The following COMMD9 variants were observed in gnomAD, a reference collection of about 807,000 sequenced individuals.
COMMD9 encodes the protein COMM domain containing 9, also known as COMM domain-containing protein 9.
COMMD9 carries 22 observed loss-of-function variants against 23.4 expected under a neutral mutation model. The ratio of observed to expected loss-of-function variants is 0.94; its 90% CI spans 0.67 to 1.34. The LOEUF (loss-of-function observed/expected upper bound fraction) is 1.34. COMMD9 is among the 40% of genes most tolerant of loss of function. The pLI is 0.00. For synonymous variants in COMMD9, 99 were observed against 97.4 expected (o/e 1.02, Z -0.10); for missense variants, 231 against 240.2 (o/e 0.96, Z 0.25).
In COMMD9 at chr11:36,273,178, G is replaced by C. The variant is rs1377450360; in HGVS notation, c.*1454C>G. On this transcript the variant is annotated 3_prime_UTR_variant, in exon 6 of 6. Coordinates refer to ENST00000263401, the MANE Select transcript of COMMD9 (RefSeq NM_014186.4). ...TCAAGCACCTTACCACTGAGAAGCA[G>C]AGCTGGCTTCTGACCTTGGCTGCCT... 1 of 152,154 alleles carries C rather than the reference G, an allele frequency of 6.6e-6. No homozygotes were observed. Among genetic ancestry groups the C allele is most frequent in the African/African-American group, 2.4e-5 (1 of 41,422 alleles). The allele number at this position is 152,154 out of a possible 1,614,324, so 9.4% of individuals were successfully genotyped here. A position where few individuals can be genotyped will look rare whatever the true frequency, so the allele number is the denominator to read the frequency against.
At position 36,274,099 on chromosome 11, in the gene COMMD9, G is replaced by C. The variant is rs1191359840; in HGVS notation, c.*533C>G. ...TTCAGACTTCCTACACTGAAGAGGG[G>C]TTCCAGTATGGTGGAGGGGGCTCAG... On this transcript the variant is annotated 3_prime_UTR_variant, in exon 6 of 6. Transcript: ENST00000263401. 1 of 364,072 alleles carries C rather than the reference G, an allele frequency of 2.7e-6. No homozygotes were observed. The highest frequency in any genetic ancestry group is 5.5e-6 in the Non-Finnish European group (1 of 182,258). 22.6% of individuals were successfully genotyped at this position (364,072 alleles called of 1,614,324 possible). A position where few individuals can be genotyped will look rare whatever the true frequency, so the allele number is the denominator to read the frequency against.
chr11:36,285,954 G>A (rs1367406508), intron 1 of COMMD9, among the ~76,000 whole-genome samples: 1 of 152,150 alleles, frequency 6.6e-6, no homozygotes, highest in Non-Finnish European at 1.5e-5. Flanking sequence ...AAGACTGAAT[G>A]CTTTGCCCCC....
rs1188472568 is a variant in COMMD9, at chr11:36,273,463, G to A, written c.*1169C>T. 1 of 152,110 alleles carries A rather than the reference G, an allele frequency of 6.6e-6. No individual in the cohort carries two copies. Among genetic ancestry groups the A allele is most frequent in the Non-Finnish European group, 1.5e-5 (1 of 68,026 alleles). The allele number at this position is 152,110 out of a possible 1,614,324, so 9.4% of individuals were successfully genotyped here. A position where few individuals can be genotyped will look rare whatever the true frequency, so the allele number is the denominator to read the frequency against. On this transcript the variant is annotated 3_prime_UTR_variant, in exon 6 of 6. Transcript: ENST00000263401. The stretch of plus-strand genomic sequence containing the variant: ...GCTCTTGTAACAAGCACATACTGAT[G>A]ATTAGCCTTGCTTCCTTTTTATTTA...
At chr11:36,279,210 TAG>T (rs1325249466) in intron 2 of COMMD9, among the ~76,000 whole-genome samples, 5 of 152,124 alleles carry the variant, frequency 3.3e-5, no homozygotes, top group Non-Finnish European at 7.4e-5. Context: ...ACTGGTTGCC[TAG>T]GAGGGCAAAG....
In COMMD9 at chr11:36,280,634, A is replaced by G. The variant is rs988340137; in HGVS notation, c.177+78T>C. 7.1e-6 allele frequency: 10 copies of G among 1,408,088 alleles called. No homozygotes were observed. In the African/African-American group the frequency reaches 1.0e-4, roughly 14 times the overall value. 87.2% of individuals were successfully genotyped at this position (1,408,088 alleles called of 1,614,324 possible). On this transcript the variant is annotated intron_variant, in intron 2 of 5. Transcript: ENST00000263401. ...AGATGTTTCAAGGGATTTTCCTTGG[A>G]CATGGCAATGACTGGGAAGTCAAGA...
intron 5 of COMMD9, 152 bp from the exon 6 acceptor site, chr11:36,274,924 AT>A: frequency 1.1e-6 from 1 of 908,542 alleles, no homozygotes; most frequent in Non-Finnish European, 1.6e-6. Context: ...CCCTTGGGTC[AT>A]TTAGCAGTAA....
intron 2 of COMMD9, among the ~76,000 whole-genome samples, 186 bp downstream of exon 2, chr11:36,280,526 G>C (rs1856047555): frequency 6.6e-6 from 1 of 152,244 alleles, no homozygotes; most frequent in South Asian, 2.1e-4. Context: ...TAATAGGTCT[G>C]AAAGAAAATG....
At chr11:36,287,055 C>G (rs1856171017) in intron 1 of COMMD9, among the ~76,000 whole-genome samples, 1 of 150,772 alleles carries the variant, frequency 6.6e-6, no homozygotes, top group South Asian at 2.1e-4. Context: ...TATATGTATA[C>G]TACATACTAT....
chr11:36,279,509 T>A (rs767773659), intron 2 of COMMD9, among the ~76,000 whole-genome samples: 1 of 151,966 alleles, frequency 6.6e-6, no homozygotes, highest in Non-Finnish European at 1.5e-5. Flanking sequence ...CCAGTGAGAG[T>A]GGGTGTTCAT....
intron 1 of COMMD9, among the ~76,000 whole-genome samples, chr11:36,286,648 T>C (rs1455977529): frequency 6.6e-6 from 1 of 151,808 alleles, no homozygotes; most frequent in Non-Finnish European, 1.5e-5. Flanking sequence ...CATTTGCAAT[T>C]GCTCAAAAAA....
chr11:36,287,003 A>G (rs987398600), intron 1 of COMMD9, among the ~76,000 whole-genome samples: 1 of 151,866 alleles, frequency 6.6e-6, no homozygotes, highest in Admixed American at 6.6e-5. Flanking sequence ...TCCTTTACCC[A>G]ATTTCCCCTA....
intron 1 of COMMD9, among the ~76,000 whole-genome samples, chr11:36,287,150 A>G (rs12285947): frequency 0.018 from 503 of 27,944 alleles, 64 homozygotes; most frequent in African/African-American, 0.034. Context: ...TAGTATGTAT[A>G]CTACATACTA....
intron 2 of COMMD9, among the ~76,000 whole-genome samples, chr11:36,279,052 G>T (rs75603278): frequency 0.07 from 10,633 of 152,242 alleles, 425 homozygotes; most frequent in South Asian, 0.1. Context: ...TACCTGGGGT[G>T]CCGGTAGCTC....
At position 36,280,727 on chromosome 11, in the gene COMMD9, C is replaced by T; in HGVS notation, c.162G>A (p.Gln54=). ...DVTCSSLSVT[Q]EEAEELLQAL... ...CCACACTTACTTCCTCTGCCTCCTC[C>T]TGGGTCACAGACAAGCTGGAACATG... Residue 54 remains glutamine, a synonymous_variant, in exon 2 of 6, where the codon CAG becomes CAA. Transcript: ENST00000263401. 6.2e-7 allele frequency: 1 copy of T among 1,604,238 alleles called. No homozygotes were observed. Among genetic ancestry groups the T allele is most frequent in the East Asian group, 2.2e-5 (1 of 44,740 alleles).
rs1339436712 is a variant in COMMD9 at position 36,273,391 on chromosome 11, C to CA, written c.*1240dup. The CA allele has an allele frequency of 6.6e-6, 1 of 152,250 alleles. No individual in the cohort carries two copies. Among genetic ancestry groups the CA allele is most frequent in the Non-Finnish European group, 1.5e-5 (1 of 68,060 alleles). The allele number at this position is 152,250 out of a possible 1,614,324, so 9.4% of individuals were successfully genotyped here. On this transcript the variant is annotated 3_prime_UTR_variant, in exon 6 of 6. Transcript: ENST00000263401. ...TCCCTGTGAGGCGTGAGGCACATGA[C>CA]AGAGATGATCTCATTTGGTTAAACT...
At position 36,277,106 on chromosome 11, in the gene COMMD9, T is replaced by C. The variant is rs1327129719; in HGVS notation, c.335A>G (p.Glu112Gly). The change falls in exon 4 of 6, where the codon GAA becomes GGA. Residue 112 changes from glutamate to glycine, a missense_variant. Glu to Gly is a moderately conservative substitution (Grantham distance 98). Transcript: ENST00000263401. ...ILEHVSTWRT[E>G]AQANQISLPR... ...GTACTCACTCTGATTTGCCTGGGCT[T>C]CGGTTCTCCAAGTAGACCTGTTTAA... The C allele has an allele frequency of 1.9e-6, 3 of 1,605,856 alleles. No individual in the cohort carries two copies. In the East Asian group the frequency reaches 6.7e-5, roughly 36 times the overall value.
rs529567275 is a variant in COMMD9, at chr11:36,272,414, T to C, written c.*2218A>G. On this transcript the variant is annotated 3_prime_UTR_variant, in exon 6 of 6. Coordinates refer to ENST00000263401, the MANE Select transcript of COMMD9 (RefSeq NM_014186.4). ...GGAAATGTCCAACTGCCCAGACACC[T>C]ATACTGGGCTTCTTGCTTCAAGTAA... 12 of 152,494 alleles carry C rather than the reference T, an allele frequency of 7.9e-5. No homozygotes were observed. The highest frequency in any genetic ancestry group is 2.6e-4 in the African/African-American group (11 of 41,574). The allele number at this position is 152,494 out of a possible 1,614,324, so 9.4% of individuals were successfully genotyped here. A position where few individuals can be genotyped will look rare whatever the true frequency, so the allele number is the denominator to read the frequency against.
intron 2 of COMMD9, among the ~76,000 whole-genome samples, chr11:36,280,228 T>C (rs775465543): frequency 3.3e-5 from 5 of 152,232 alleles, no homozygotes; most frequent in Non-Finnish European, 7.3e-5. Context: ...CAAGTTACCT[T>C]AATCTCCCTC....
chr11:36,285,979 G>A (rs1565358243), intron 1 of COMMD9, among the ~76,000 whole-genome samples: 3 of 152,114 alleles, frequency 2.0e-5, no homozygotes, highest in African/African-American at 4.8e-5. Context: ...CTGAGAACAA[G>A]GCAAGATATC....
Sources: allele counts gnomAD v4.1 joint callset (sites outside exome capture counted in the v4.1 genomes callset), GRCh38; gene constraint gnomAD v4.1.1; transcripts MANE v1.5; gene names NCBI Gene and HGNC (gene_info 2026-07-23, HGNC 2026-07-21).